The following ADCY8 variants were observed in gnomAD, a reference collection of about 807,000 sequenced individuals.
ADCY8 encodes adenylate cyclase 8.
ADCY8 carries 51 observed loss-of-function variants against 119.7 expected under a neutral mutation model. The observed-to-expected ratio is 0.43, with a 90% CI of 0.34 to 0.54. The LOEUF is 0.54. Ranked by LOEUF, ADCY8 falls within the 20% of genes least tolerant of loss-of-function variation. The probability of loss-of-function intolerance (pLI) is 0.03; values close to 1 mark genes in which losing one functional copy is unlikely to be tolerated. For missense variants in ADCY8, 1,383 were observed against 1,598.8 expected, an observed-to-expected ratio of 0.87 and a Z score of 2.30; for synonymous variants, 665 against 651.0, an observed-to-expected ratio of 1.02 and a Z score of -0.33.
chr8:130,985,166 T>G (rs903004194), intron 2 of ADCY8, among the ~76,000 whole-genome samples: 1 of 152,048 alleles, frequency 6.6e-6, no homozygotes, highest in African/African-American at 2.4e-5. Flanking sequence ...GACTCAGCAA[T>G]GCCAAGTGCT....
chr8:130,981,367 T>C (rs1563754385), intron 2 of ADCY8, among the ~76,000 whole-genome samples: 1 of 152,218 alleles, frequency 6.6e-6, no homozygotes, highest in Non-Finnish European at 1.5e-5. Flanking sequence ...AAATACTTAT[T>C]TTATTTTTCT....
intron 1 of ADCY8, among the ~76,000 whole-genome samples, chr8:131,019,441 T>C (rs927211349): frequency 6.6e-6 from 1 of 152,186 alleles, no homozygotes; most frequent in Non-Finnish European, 1.5e-5. Context: ...TGGGTCATCT[T>C]CTCTTGATAT....
At position 130,879,373 on chromosome 8, in the gene ADCY8, C is replaced by T. The variant is rs148128636; in HGVS notation, c.2109+5191G>A. On this transcript the variant is annotated intron_variant, in intron 8 of 17. Coordinates refer to ENST00000286355, the MANE Select transcript of ADCY8 (RefSeq NM_001115.3). ...ATACCATCAAGGTATAAGAAATGTGCAAGTCACAAAAGGAGAATTATAAAG... is the reference window on the plus strand; with the variant it reads ...ATACCATCAAGGTATAAGAAATGTGTAAGTCACAAAAGGAGAATTATAAAG... Among the ~76,000 whole-genome samples the T allele has an allele frequency of 1.8e-3, 271 of 152,220 alleles. 1 individual carries two copies. The highest frequency in any genetic ancestry group is 3.2e-3 in the Non-Finnish European group (220 of 68,014).
intron 8 of ADCY8, among the ~76,000 whole-genome samples, chr8:130,875,645 T>G (rs982631654): frequency 2.0e-5 from 3 of 152,210 alleles, no homozygotes; most frequent in Non-Finnish European, 4.4e-5. Context: ...TCCTTTATTA[T>G]TTTATACTAA....
intron 7 of ADCY8, among the ~76,000 whole-genome samples, chr8:130,891,797 A>G (rs1193307241): frequency 1.3e-5 from 2 of 152,148 alleles, no homozygotes; most frequent in Non-Finnish European, 2.9e-5. Flanking sequence ...ACCCTGTCTT[A>G]TAACAAGTTT....
At chr8:130,862,869 TTTC>T (rs2130372243) in intron 9 of ADCY8, among the ~76,000 whole-genome samples, 1 of 152,362 alleles carries the variant, frequency 6.6e-6, no homozygotes, top group Admixed American at 6.5e-5. Context: ...TTGTGTTATT[TTTC>T]TTCTTTTAAA....
At chr8:130,931,225 G>C (rs1820621442) in intron 5 of ADCY8, among the ~76,000 whole-genome samples, 1 of 152,038 alleles carries the variant, frequency 6.6e-6, no homozygotes, top group Non-Finnish European at 1.5e-5. Flanking sequence ...TTGTCTGGCA[G>C]GTTTCTCATT....
chr8:130,963,035 G>A (rs956704224), intron 2 of ADCY8, among the ~76,000 whole-genome samples: 2 of 151,942 alleles, frequency 1.3e-5, no homozygotes, highest in Admixed American at 1.3e-4. Context: ...GAAAATCAAA[G>A]AGTTTAAGTA....
chr8:130,831,865 G>C (rs1816845123), intron 12 of ADCY8, among the ~76,000 whole-genome samples: 1 of 152,176 alleles, frequency 6.6e-6, no homozygotes, highest in South Asian at 2.1e-4. Flanking sequence ...TTGTGATATG[G>C]AGGGGTGATG....
At chr8:130,823,999 C>T (rs577107042) in intron 12 of ADCY8, among the ~76,000 whole-genome samples, 24 of 152,186 alleles carry the variant, frequency 1.6e-4, no homozygotes, top group African/African-American at 5.8e-4. Flanking sequence ...AATGTAATAT[C>T]CCTTGAAGCC....
chr8:130,948,978 C>T (rs1235731119), intron 3 of ADCY8, among the ~76,000 whole-genome samples: 2 of 152,178 alleles, frequency 1.3e-5, no homozygotes, highest in African/African-American at 2.4e-5. Flanking sequence ...TGAGAATAGC[C>T]CGGGAGCAAC....
intron 3 of ADCY8, among the ~76,000 whole-genome samples, chr8:130,945,769 T>A (rs532535324): frequency 6.6e-6 from 1 of 152,264 alleles, no homozygotes; most frequent in Non-Finnish European, 1.5e-5. Flanking sequence ...TAACTGTTGA[T>A]GAAGCCTGAA....
chr8:130,817,921 C>T (rs556676741), intron 13 of ADCY8, among the ~76,000 whole-genome samples: 2 of 152,020 alleles, frequency 1.3e-5, no homozygotes, highest in African/African-American at 4.8e-5. Flanking sequence ...TGAATATAGG[C>T]GATTATCATA....
chr8:130,881,911 A>T (rs2130450955), intron 8 of ADCY8, among the ~76,000 whole-genome samples: 1 of 150,574 alleles, frequency 6.6e-6, no homozygotes, highest in East Asian at 2.0e-4. Context: ...TGCAGATTCC[A>T]TTTCGGAGTT....
chr8:130,812,342 TC>T (rs1344433735), intron 14 of ADCY8, among the ~76,000 whole-genome samples: 1 of 152,150 alleles, frequency 6.6e-6, no homozygotes, highest in Non-Finnish European at 1.5e-5. Flanking sequence ...CTTCTAGTGG[TC>T]CGAATAGTGC....
At chr8:130,991,244 T>A (rs1476605860) in intron 1 of ADCY8, among the ~76,000 whole-genome samples, 1 of 152,250 alleles carries the variant, frequency 6.6e-6, no homozygotes, top group African/African-American at 2.4e-5. Context: ...ACACAAAGTA[T>A]GAATTTCTTT....
At chr8:130,916,710 G>A (rs145415823) in intron 5 of ADCY8, among the ~76,000 whole-genome samples, 6 of 152,380 alleles carry the variant, frequency 3.9e-5, no homozygotes, top group South Asian at 2.1e-4. Flanking sequence ...AAGCATGAGC[G>A]ATCTGTGCCT....
chr8:130,801,221 T>C (rs1281607400), intron 14 of ADCY8, among the ~76,000 whole-genome samples: 2 of 151,878 alleles, frequency 1.3e-5, no homozygotes, highest in African/African-American at 2.4e-5. Flanking sequence ...TTCTCCTCAA[T>C]GGCTAGTCCA....
At chr8:130,887,881 A>G (rs1819047598) in intron 7 of ADCY8, among the ~76,000 whole-genome samples, 1 of 146,880 alleles carries the variant, frequency 6.8e-6, no homozygotes, top group South Asian at 2.1e-4. Context: ...CACTATATTC[A>G]CAGTGATTCA....
Sources: gnomAD v4.1 joint callset for allele counts (sites outside exome capture counted in the v4.1 genomes callset) on GRCh38, gnomAD v4.1.1 for gene constraint, MANE v1.5 for transcripts, NCBI Gene and HGNC (gene_info 2026-07-23, HGNC 2026-07-21) for gene names.